Variants in HS6ST3 observed in about 807,000 individuals in gnomAD.
HS6ST3 encodes heparan-sulfate 6-O-sulfotransferase 3.
HS6ST3 carries 12 observed loss-of-function variants against 36.7 expected under a neutral mutation model. The observed-to-expected ratio is 0.33, with a 90% CI of 0.21 to 0.53. The LOEUF (loss-of-function observed/expected upper bound fraction) is 0.53, where lower values mean the gene tolerates loss of function less well. Ranked by LOEUF, HS6ST3 falls within the 20% of genes least tolerant of loss-of-function variation. HS6ST3 has a pLI of 0.95. For missense variants in HS6ST3, 584 were observed against 640.9 expected, an observed-to-expected ratio of 0.91 and a Z score of 0.96; for synonymous variants, 240 against 257.5, an observed-to-expected ratio of 0.93 and a Z score of 0.65.
chr13:96,627,559 GT>G (rs2056517418), intron 1 of HS6ST3, among the ~76,000 whole-genome samples: 1 of 151,910 alleles, frequency 6.6e-6, no homozygotes, highest in Admixed American at 6.5e-5. Context: ...TACAGTATGT[GT>G]TTTTCTATTC....
intron 1 of HS6ST3, among the ~76,000 whole-genome samples, chr13:96,822,452 A>G (rs909182833): frequency 1.3e-5 from 2 of 152,166 alleles, no homozygotes; most frequent in Non-Finnish European, 2.9e-5. Context: ...CATTCCCTGA[A>G]ATTTATTCTT....
In HS6ST3 at chr13:96,725,833, A is replaced by G. The variant is rs947385818; in HGVS notation, c.708-106657A>G. ...TTATGATATGTCTTTTTTTTAATTTATTTTATTTGTTTTTATTTTTTTAGA... is the reference window on the plus strand; with the variant it reads ...TTATGATATGTCTTTTTTTTAATTTGTTTTATTTGTTTTTATTTTTTTAGA... On this transcript the variant is annotated intron_variant, in intron 1 of 1. Coordinates refer to ENST00000376705, the MANE Select transcript of HS6ST3 (RefSeq NM_153456.4). Among the ~76,000 whole-genome samples, 2 of 150,878 alleles carry G rather than the reference A, an allele frequency of 1.3e-5. 1 individual carries two copies. The highest frequency in any genetic ancestry group is 4.2e-4 in the South Asian group (2 of 4,768).
Position 96,320,252 on chromosome 13 carries a change from TC to T in HS6ST3, c.707+228689del, listed in dbSNP as rs1157837651. Among the ~76,000 whole-genome samples, 5 of 152,226 alleles carry T rather than the reference TC, an allele frequency of 3.3e-5. No individual in the cohort carries two copies. The East Asian group carries it at 7.7e-4, about 24-fold the overall frequency. On this transcript the variant is annotated intron_variant, in intron 1 of 1. Coordinates refer to ENST00000376705, the MANE Select transcript of HS6ST3 (RefSeq NM_153456.4). ...TATTGGCAAGATGCTTGTCTTATATTCCCCCCTTTGGATTCTGAAATGTTGT... is the reference window on the plus strand; with the variant it reads ...TATTGGCAAGATGCTTGTCTTATATTCCCCCTTTGGATTCTGAAATGTTGT...
intron 1 of HS6ST3, among the ~76,000 whole-genome samples, chr13:96,489,603 A>G (rs577981159): frequency 1.3e-5 from 2 of 152,006 alleles, no homozygotes; most frequent in East Asian, 1.9e-4. Flanking sequence ...ATGTGTTGTC[A>G]TATCATGTCT....
At chr13:96,518,725 G>A (rs2056082250) in intron 1 of HS6ST3, among the ~76,000 whole-genome samples, 1 of 152,120 alleles carries the variant, frequency 6.6e-6, no homozygotes, top group African/African-American at 2.4e-5. Context: ...GATTAAGACA[G>A]GAATAATTTA....
intron 1 of HS6ST3, among the ~76,000 whole-genome samples, chr13:96,498,478 C>A (rs1002428842): frequency 2.0e-5 from 3 of 152,212 alleles, no homozygotes; most frequent in African/African-American, 7.2e-5. Context: ...CTTTTAAATC[C>A]CAGTTTAAAT....
intron 1 of HS6ST3, among the ~76,000 whole-genome samples, chr13:96,514,057 A>T (rs761948752): frequency 1.3e-5 from 2 of 152,088 alleles, no homozygotes; most frequent in African/African-American, 4.8e-5. Context: ...CCTCAGTGCG[A>T]TGAGAAGCAG....
intron 1 of HS6ST3, among the ~76,000 whole-genome samples, chr13:96,459,196 G>A (rs2055770237): frequency 6.6e-6 from 1 of 151,058 alleles, no homozygotes; most frequent in Admixed American, 6.6e-5. Flanking sequence ...ACTGGGATGT[G>A]GTAGTAGGTA....
chr13:96,608,013 T>A (rs1375579457), intron 1 of HS6ST3, among the ~76,000 whole-genome samples: 1 of 152,152 alleles, frequency 6.6e-6, no homozygotes, highest in Non-Finnish European at 1.5e-5. Context: ...GACTGTTAGA[T>A]CCATGTTAAA....
At chr13:96,156,042 T>C (rs548223933) in intron 1 of HS6ST3, among the ~76,000 whole-genome samples, 56 of 152,336 alleles carry the variant, frequency 3.7e-4, no homozygotes, top group African/African-American at 1.2e-3. Flanking sequence ...CTTCTCACAA[T>C]ATAGAATCAT....
At chr13:96,433,508 C>T (rs1192382618) in intron 1 of HS6ST3, among the ~76,000 whole-genome samples, 1 of 152,146 alleles carries the variant, frequency 6.6e-6, no homozygotes, top group Non-Finnish European at 1.5e-5. Flanking sequence ...AATGAGAGTT[C>T]TCCTGCACTA....
chr13:96,652,799 A>G (rs1209977954), intron 1 of HS6ST3, among the ~76,000 whole-genome samples: 1 of 152,136 alleles, frequency 6.6e-6, no homozygotes, highest in Admixed American at 6.6e-5. Flanking sequence ...AATAGGATTC[A>G]TAATTACTCT....
rs1370393120 is a variant in HS6ST3 at position 96,421,457 on chromosome 13, A to G, written c.707+329888A>G. On this transcript the variant is annotated intron_variant, in intron 1 of 1. Transcript: ENST00000376705. Reference sequence around the variant, plus strand: ...ATATTCACTTACTTAGAATATTTCAATAACTTTCATTTTACTCAAGGTAAA... The same window carrying G: ...ATATTCACTTACTTAGAATATTTCAGTAACTTTCATTTTACTCAAGGTAAA... Among the ~76,000 whole-genome samples the G allele has an allele frequency of 2.6e-5, 4 of 152,206 alleles. No individual in the cohort carries two copies. The East Asian group carries it at 7.7e-4, about 29-fold the overall frequency.
intron 1 of HS6ST3, among the ~76,000 whole-genome samples, chr13:96,501,387 G>A (rs2056003827): frequency 6.6e-6 from 1 of 152,210 alleles, no homozygotes; most frequent in South Asian, 2.1e-4. Context: ...CAGATGCTGT[G>A]CTTAAGAGAA....
chr13:96,517,173 GT>G (rs1217527525), intron 1 of HS6ST3, among the ~76,000 whole-genome samples: 9 of 151,306 alleles, frequency 5.9e-5, no homozygotes, highest in African/African-American at 2.2e-4. Flanking sequence ...GAACTCAGGA[GT>G]TTGAGACCAA....
chr13:96,810,374 T>C (rs554391680), intron 1 of HS6ST3, among the ~76,000 whole-genome samples: 1 of 152,266 alleles, frequency 6.6e-6, no homozygotes, highest in Admixed American at 6.5e-5. Context: ...ACCAGGCACA[T>C]TGGAAGTGTT....
intron 1 of HS6ST3, among the ~76,000 whole-genome samples, chr13:96,169,316 C>A (rs2054176490): frequency 1.3e-5 from 2 of 151,426 alleles, no homozygotes; most frequent in South Asian, 4.2e-4. Context: ...TCCATGTAAA[C>A]CAGAGTCCCT....
At chr13:96,393,830 A>C (rs888623051) in intron 1 of HS6ST3, among the ~76,000 whole-genome samples, 1 of 152,124 alleles carries the variant, frequency 6.6e-6, no homozygotes, top group African/African-American at 2.4e-5. Flanking sequence ...GTTAGAAGTA[A>C]AGCTGTAGGG....
intron 1 of HS6ST3, among the ~76,000 whole-genome samples, chr13:96,129,849 C>T (rs1462541329): frequency 6.6e-6 from 1 of 152,138 alleles, no homozygotes; most frequent in East Asian, 1.9e-4. Context: ...ATAAATTGTT[C>T]TCTCATACCC....
Sources: allele counts gnomAD v4.1 joint callset (sites outside exome capture counted in the v4.1 genomes callset), GRCh38; gene constraint gnomAD v4.1.1; transcripts MANE v1.5; gene names NCBI Gene and HGNC (gene_info 2026-07-23, HGNC 2026-07-21).